The following NFIB variants were observed in gnomAD, a reference collection of about 807,000 sequenced individuals.
NFIB encodes nuclear factor 1 B-type.
A neutral mutation model predicts 61.5 loss-of-function variants in NFIB; 11 were observed. The observed-to-expected ratio is 0.18, with a 90% CI of 0.11 to 0.30. The LOEUF is 0.30. Among genes scored for constraint, NFIB ranks in the 10% least tolerant of loss-of-function variants. NFIB has a pLI of 1.00. For missense variants in NFIB, 471 were observed against 608.9 expected (o/e 0.77, Z 2.38); for synonymous variants, 260 against 216.5 (o/e 1.20, Z -1.76).
chr9:14,149,444 T>C (rs1346458198), intron 5 of NFIB, among the ~76,000 whole-genome samples: 1 of 152,068 alleles, frequency 6.6e-6, no homozygotes, highest in East Asian at 1.9e-4. Flanking sequence ...CTTGAAGATC[T>C]AGCTCAAATA....
intron 2 of NFIB, among the ~76,000 whole-genome samples, chr9:14,304,591 A>G (rs547622286): frequency 2.0e-5 from 3 of 152,202 alleles, no homozygotes; most frequent in Non-Finnish European, 4.4e-5. Flanking sequence ...GTGGGGAGAG[A>G]GAAAAAGGGG....
intron 1 of NFIB, among the ~76,000 whole-genome samples, chr9:14,322,910 C>A (rs866485321): frequency 1.3e-5 from 2 of 151,630 alleles, no homozygotes; most frequent in Non-Finnish European, 2.9e-5. Flanking sequence ...GCTTCCCGAC[C>A]GTGTGTCTGC....
intron 2 of NFIB, among the ~76,000 whole-genome samples, chr9:14,286,683 C>T (rs1246095924): frequency 1.3e-5 from 2 of 152,186 alleles, no homozygotes; most frequent in Non-Finnish European, 2.9e-5. Flanking sequence ...TCTCTCACTA[C>T]TATAAAATCT....
chr9:14,279,841 G>C (rs944466936), intron 2 of NFIB, among the ~76,000 whole-genome samples: 5 of 152,154 alleles, frequency 3.3e-5, no homozygotes, highest in African/African-American at 1.2e-4. Context: ...TGTGAACTCA[G>C]AAGGTAAGAA....
At chr9:14,442,182 C>G in the NFIB span, among the ~76,000 whole-genome samples, 2 of 152,042 alleles carry the variant, frequency 1.3e-5, no homozygotes, top group African/African-American at 4.8e-5. Flanking sequence ...TCACCACCCT[C>G]TCCTAATCAC....
Position 14,231,070 on chromosome 9 carries a change from A to G in NFIB, c.563-51290T>C, listed in dbSNP as rs369153581. Among the ~76,000 whole-genome samples, 26 of 148,614 alleles carry G rather than the reference A, an allele frequency of 1.7e-4. 4 individuals are homozygous for G. The highest frequency in any genetic ancestry group is 4.1e-4 in the Admixed American group (6 of 14,814). The stretch of plus-strand genomic sequence containing the variant: ...TGTCACTAGAACAAACCACTAAGAA[A>G]TAAATACAACAGGGATATCTGAGTC... On this transcript the variant is annotated intron_variant, in intron 2 of 10. Transcript: ENST00000380953.
intron 2 of NFIB, among the ~76,000 whole-genome samples, chr9:14,296,569 G>C (rs2059456447): frequency 6.6e-6 from 1 of 152,214 alleles, no homozygotes; most frequent in Non-Finnish European, 1.5e-5. Context: ...AACAGGATTA[G>C]TGCCCTTATA....
In NFIB at chr9:14,354,718, C is replaced by T. The variant is rs2061154772; in HGVS notation, c.108+43806G>A. Among the ~76,000 whole-genome samples the T allele has an allele frequency of 1.3e-5, 2 of 151,758 alleles. 1 individual carries two copies. Among genetic ancestry groups the T allele is most frequent in the South Asian group, 4.1e-4 (2 of 4,822 alleles). On this transcript the variant is annotated intron_variant, in intron 1 of 8. Transcript: ENST00000380934. ...TTTCTGAGGTGAGCAGTCAGTTATA[C>T]CTCATGGCAATTTTTTCCTTCAGCA... is the stretch of plus-strand genomic sequence containing the variant.
chr9:14,234,264 G>A (rs1289620442), intron 2 of NFIB, among the ~76,000 whole-genome samples: 2 of 152,074 alleles, frequency 1.3e-5, no homozygotes, highest in African/African-American at 2.4e-5. Context: ...TGCAATAAAA[G>A]TACTAGAACA....
chr9:14,360,638 G>C (rs1353721166), intron 1 of NFIB, among the ~76,000 whole-genome samples: 2 of 150,936 alleles, frequency 1.3e-5, no homozygotes, highest in African/African-American at 4.9e-5. Flanking sequence ...TCCGCCTCCC[G>C]GGCTCACACC....
chr9:14,366,508 C>G (rs117193612), intron 1 of NFIB, among the ~76,000 whole-genome samples: 8,943 of 151,584 alleles, frequency 0.059, 346 homozygotes, highest in Non-Finnish European at 0.087. Context: ...CTTCTTGAGA[C>G]AGAGTCTTGC....
the NFIB span, among the ~76,000 whole-genome samples, chr9:14,444,878 C>T: frequency 6.6e-6 from 1 of 152,178 alleles, no homozygotes; most frequent in Non-Finnish European, 1.5e-5. Context: ...CTAATATCCT[C>T]ACTTACATGA....
chr9:14,384,279 A>G (rs2061524532), intron 1 of NFIB, among the ~76,000 whole-genome samples: 1 of 152,232 alleles, frequency 6.6e-6, no homozygotes, highest in African/African-American at 2.4e-5. Context: ...AAAGAATTTC[A>G]GATGTACATA....
intron 8 of NFIB, 109 bp from the exon 9 acceptor site, chr9:14,116,455 G>T: frequency 8.6e-7 from 1 of 1,168,238 alleles, no homozygotes; most frequent in Non-Finnish European, 1.1e-6. Flanking sequence ...ACTGCGCATA[G>T]GCGCCACACA....
chr9:14,102,484 A>G, intron 10 of NFIB: 1 of 1,550,410 alleles, frequency 6.4e-7, no homozygotes, highest in Non-Finnish European at 8.7e-7. Context: ...TGCCGTTTTG[A>G]TTCATGGTCC....
At chr9:14,174,115 T>C (rs2045878763) in intron 3 of NFIB, among the ~76,000 whole-genome samples, 1 of 152,158 alleles carries the variant, frequency 6.6e-6, no homozygotes, top group African/African-American at 2.4e-5. Context: ...CTTTATTGAA[T>C]GTGACGTCTC....
intron 2 of NFIB, among the ~76,000 whole-genome samples, chr9:14,221,069 T>G (rs1177220271): frequency 6.6e-6 from 1 of 152,132 alleles, no homozygotes; most frequent in Non-Finnish European, 1.5e-5. Context: ...AAGCCAAATG[T>G]TGACATACCA....
At chr9:14,457,801 C>G in the NFIB span, among the ~76,000 whole-genome samples, 2 of 152,144 alleles carry the variant, frequency 1.3e-5, no homozygotes, top group East Asian at 1.9e-4. Flanking sequence ...CATACACCCT[C>G]CCAAGACTAA....
At chr9:14,493,141 A>C in the NFIB span, among the ~76,000 whole-genome samples, 1 of 152,184 alleles carries the variant, frequency 6.6e-6, no homozygotes, top group Admixed American at 6.5e-5. Flanking sequence ...ATTACAGCAC[A>C]GATGTTCACA....
Sources: allele counts gnomAD v4.1 joint callset (sites outside exome capture counted in the v4.1 genomes callset), GRCh38; gene constraint gnomAD v4.1.1; transcripts MANE v1.5; gene names NCBI Gene and HGNC (gene_info 2026-07-23, HGNC 2026-07-21).